FREM1: variants seen among roughly 807,000 people sequenced by gnomAD.
FREM1 encodes the protein FRAS1 related extracellular matrix 1.
In FREM1, 220 loss-of-function variants were observed where a neutral mutation model predicts 210.1. The observed-to-expected ratio is 1.05, with a 90% confidence interval of 0.94 to 1.17. The LOEUF is 1.17. Among genes scored for constraint, FREM1 ranks in the 50% most tolerant of loss-of-function variants. The pLI, the probability that FREM1 is intolerant of heterozygous loss-of-function variation, is 0.00. For missense variants in FREM1, 3,454 were observed against 2,675.5 expected (o/e 1.29, Z -6.42); for synonymous variants, 1,189 against 980.2 (o/e 1.21, Z -3.98).
intron 35 of FREM1, among the ~76,000 whole-genome samples, chr9:14,743,972 T>C (rs910836057): frequency 6.6e-6 from 1 of 152,128 alleles, no homozygotes; most frequent in Non-Finnish European, 1.5e-5. Context: ...TTTAACAGCT[T>C]AACCATCTTA....
In FREM1 at chr9:14,808,062, A is replaced by G; in HGVS notation, c.2966T>C (p.Phe989Ser). ...TCCATTGTAGCAACAGCCATTCACA[A>G]AAGGGCCAGCCTCTCCATCCGAAAC... ...LVVSDGEAGP[F>S]VNGCCYNGPN... The change falls in exon 17 of 37, where the codon TTT (phenylalanine) becomes TCT (serine). Residue 989 changes from phenylalanine (F) to serine (S), a missense_variant. Physicochemically the swap from Phe to Ser is radical, Grantham distance 155. Coordinates refer to ENST00000380880, the MANE Select transcript of FREM1 (RefSeq NM_001379081.2). 1 of 1,613,768 alleles carries G rather than the reference A, an allele frequency of 6.2e-7. No homozygotes were observed.
At chr9:14,861,052 T>TATAC (rs1554708190) in intron 3 of FREM1, among the ~76,000 whole-genome samples, 2 of 72,916 alleles carry the variant, frequency 2.7e-5, no homozygotes, top group African/African-American at 1.4e-4. Flanking sequence ...TATACATATA[T>TATAC]ACATATATAC....
chr9:14,865,096 GT>G (rs1831265856), intron 2 of FREM1, among the ~76,000 whole-genome samples: 1 of 152,078 alleles, frequency 6.6e-6, no homozygotes, highest in African/African-American at 2.4e-5. Flanking sequence ...GTCTAGCTTT[GT>G]TTTTTTCCAC....
chr9:14,779,968 T>A (rs908681071), intron 24 of FREM1, among the ~76,000 whole-genome samples: 1 of 152,132 alleles, frequency 6.6e-6, no homozygotes, highest in Admixed American at 6.5e-5. Context: ...AATGAATGGT[T>A]ACGGTTGAGT....
rs146136807 is a variant in FREM1, at chr9:14,853,326, C to G, written c.829-1719G>C. Among the ~76,000 whole-genome samples, 331 of 152,156 alleles carry G rather than the reference C, an allele frequency of 2.2e-3. 1 individual carries two copies. Among genetic ancestry groups the G allele is most frequent in the African/African-American group, 7.7e-3 (319 of 41,500 alleles). ...AGGGCTGGTCTGGGATCTCCTGGAC[C>G]CTGAACTTCAGAGTGCACTCTTGAG... is the stretch of plus-strand genomic sequence containing the variant. On this transcript the variant is annotated intron_variant, in intron 5 of 36. Coordinates refer to ENST00000380880, the MANE Select transcript of FREM1 (RefSeq NM_001379081.2).
At chr9:14,739,784 C>T (rs1453611686) in intron 36 of FREM1, among the ~76,000 whole-genome samples, 3 of 151,532 alleles carry the variant, frequency 2.0e-5, no homozygotes, top group Non-Finnish European at 2.9e-5. Flanking sequence ...TATTTAATGG[C>T]TTGCAAAAAC....
intron 2 of FREM1, among the ~76,000 whole-genome samples, chr9:14,865,900 T>C (rs1485298161): frequency 6.6e-6 from 1 of 151,858 alleles, no homozygotes; most frequent in African/African-American, 2.4e-5. Context: ...TCTCCCATGA[T>C]ATAGATTTCT....
intron 29 of FREM1, 88 bp downstream of exon 29, chr9:14,756,286 A>T: frequency 1.0e-6 from 1 of 968,876 alleles, no homozygotes; most frequent in East Asian, 2.7e-5. Flanking sequence ...GTTGTGTAAC[A>T]TTCTATCTTC....
intron 36 of FREM1, among the ~76,000 whole-genome samples, chr9:14,738,337 A>G (rs977067036): frequency 6.6e-6 from 1 of 151,546 alleles, no homozygotes; most frequent in Non-Finnish European, 1.5e-5. Context: ...AAATTTGACC[A>G]TGAAAACAGT....
chr9:14,856,988 A>C (rs1308498594), intron 5 of FREM1, among the ~76,000 whole-genome samples: 1 of 152,172 alleles, frequency 6.6e-6, no homozygotes, highest in Non-Finnish European at 1.5e-5. Flanking sequence ...ATTTCAATAT[A>C]TAGAGATCAA....
At chr9:14,780,433 G>GGAAA (rs533265481) in intron 24 of FREM1, among the ~76,000 whole-genome samples, 2 of 81,536 alleles carry the variant, frequency 2.5e-5, no homozygotes, top group Non-Finnish European at 5.1e-5. Flanking sequence ...CAGCTCCTCA[G>GGAAA]AAAAAAAAAA....
At chr9:14,865,553 T>G (rs1036081568) in intron 2 of FREM1, among the ~76,000 whole-genome samples, 1 of 152,196 alleles carries the variant, frequency 6.6e-6, no homozygotes, top group Non-Finnish European at 1.5e-5. Flanking sequence ...CATGAAACTG[T>G]TCATTACACA....
intron 4 of FREM1, among the ~76,000 whole-genome samples, 174 bp downstream of exon 4, chr9:14,859,009 T>C (rs147487618): frequency 2.0e-5 from 3 of 152,180 alleles, no homozygotes; most frequent in African/African-American, 7.2e-5. Context: ...GATGAAGTTC[T>C]CAAAACCAGG....
At chr9:14,870,637 CT>C (rs1169289616) in intron 1 of FREM1, among the ~76,000 whole-genome samples, 30 of 151,440 alleles carry the variant, frequency 2.0e-4, no homozygotes, top group South Asian at 1.0e-3. Flanking sequence ...AATATGGTTT[CT>C]TTTTTTTATT....
intron 1 of FREM1, among the ~76,000 whole-genome samples, chr9:14,902,461 C>A (rs1838956890): frequency 6.6e-6 from 1 of 152,196 alleles, no homozygotes; most frequent in Non-Finnish European, 1.5e-5. Context: ...TATCAAGGGA[C>A]TGGCACAAAA....
At chr9:14,829,666 G>C (rs1248715166) in intron 10 of FREM1, among the ~76,000 whole-genome samples, 1 of 152,064 alleles carries the variant, frequency 6.6e-6, no homozygotes, top group Non-Finnish European at 1.5e-5. Context: ...ATTGATCTTG[G>C]ACTTCCCAGC....
chr9:14,904,598 G>A (rs955918543), intron 1 of FREM1, among the ~76,000 whole-genome samples: 4 of 152,160 alleles, frequency 2.6e-5, no homozygotes, highest in African/African-American at 9.7e-5. Context: ...TGGTTCCAGG[G>A]TGCAGAACCA....
chr9:14,842,687 G>T, intron 8 of FREM1, 27 bp from the exon 9 acceptor site: 2 of 1,550,558 alleles, frequency 1.3e-6, no homozygotes, highest in Non-Finnish European at 1.8e-6. Flanking sequence ...AGATGGAGCA[G>T]ATTGAGCAAG....
Position 14,829,113 on chromosome 9 carries a change from A to AG in FREM1, c.1882-4122_1882-4121insC, listed in dbSNP as rs533510666. On this transcript the variant is annotated intron_variant, in intron 10 of 36. Coordinates refer to ENST00000380880, the MANE Select transcript of FREM1 (RefSeq NM_001379081.2). The stretch of plus-strand genomic sequence containing the variant: ...TCTGTATCTCCACAACATCTAGCAC[A>AG]ATTTTTTTTGTAGGTAGGAGGCACT... 4.3e-3 allele frequency among the ~76,000 whole-genome samples: 662 copies of AG among 152,218 alleles called. 4 individuals carry two copies. Among genetic ancestry groups the AG allele is most frequent in the African/African-American group, 0.013 (537 of 41,480 alleles).
Sources: gnomAD v4.1 joint callset for allele counts (sites outside exome capture counted in the v4.1 genomes callset) on GRCh38, gnomAD v4.1.1 for gene constraint, MANE v1.5 for transcripts, NCBI Gene and HGNC (gene_info 2026-07-23, HGNC 2026-07-21) for gene names.